The following RTTN variants were observed in gnomAD, a reference collection of about 807,000 sequenced individuals.
The protein encoded by RTTN is rotatin.
A neutral mutation model predicts 269.2 loss-of-function variants in RTTN; 182 were observed. The ratio of observed to expected loss-of-function variants is 0.68; its 90% CI spans 0.60 to 0.76. The LOEUF (loss-of-function observed/expected upper bound fraction) is 0.76, where lower values mean the gene tolerates loss of function less well. Among genes scored for constraint, RTTN ranks in the 30% least tolerant of loss-of-function variants. The pLI is 0.00. For synonymous variants in RTTN, 1,006 were observed against 963.5 expected (o/e 1.04, Z -0.82); for missense variants, 2,545 against 2,608.6 (o/e 0.98, Z 0.53).
intron 7 of RTTN, among the ~76,000 whole-genome samples, 200 bp downstream of exon 7, chr18:70,196,301 A>G (rs1439044405): frequency 6.6e-6 from 1 of 152,116 alleles, no homozygotes; most frequent in Admixed American, 6.5e-5. Context: ...ATCCAGAAAA[A>G]AAAAAAAAGG....
chr18:70,035,628 C>G (rs1201099923), intron 40 of RTTN, among the ~76,000 whole-genome samples: 1 of 152,100 alleles, frequency 6.6e-6, no homozygotes, highest in Non-Finnish European at 1.5e-5. Context: ...CTAGGCAATA[C>G]CATTCTGGAC....
intron 31 of RTTN, among the ~76,000 whole-genome samples, chr18:70,087,651 C>T (rs1205238893): frequency 6.6e-6 from 1 of 152,036 alleles, no homozygotes; most frequent in African/African-American, 2.4e-5. Flanking sequence ...TTTTGACAGC[C>T]TCTTATCTAT....
intron 39 of RTTN, among the ~76,000 whole-genome samples, chr18:70,051,204 A>C (rs2057656633): frequency 6.6e-6 from 1 of 152,240 alleles, no homozygotes; most frequent in Non-Finnish European, 1.5e-5. Context: ...CTTTTATGTT[A>C]TCTCAAAATG....
At position 70,054,158 on chromosome 18, in the gene RTTN, G is replaced by T; in HGVS notation, c.5158C>A (p.Leu1720Ile). ...AATACATCTTTGGTACATATGGTGAGAATTCCAATGATATTGGTGATAAGA... is the reference window on the plus strand; with the variant it reads ...AATACATCTTTGGTACATATGGTGATAATTCCAATGATATTGGTGATAAGA... ...KPLITNIIGI[L>I]TICTKDVLDK... Residue 1720 changes from leucine (L) to isoleucine (I), a missense_variant, in exon 38 of 49, where the codon CTC becomes ATC. By Grantham distance (5) the Leu-to-Ile change is conservative. Coordinates refer to ENST00000640769, the MANE Select transcript of RTTN (RefSeq NM_173630.4). 1.2e-6 allele frequency: 2 copies of T among 1,613,280 alleles called. No homozygotes were observed. Among genetic ancestry groups the T allele is most frequent in the African/African-American group, 1.3e-5 (1 of 75,002 alleles).
intron 28 of RTTN, among the ~76,000 whole-genome samples, chr18:70,094,587 T>C (rs553948431): frequency 6.6e-6 from 1 of 152,274 alleles, no homozygotes; most frequent in Admixed American, 6.5e-5. Context: ...CATGTAGTTG[T>C]GCGGTTTGTA....
intron 8 of RTTN, 112 bp from the exon 9 acceptor site, chr18:70,190,831 G>A (rs1424374834): frequency 6.2e-6 from 4 of 646,106 alleles, no homozygotes; most frequent in Middle Eastern, 3.7e-4. Flanking sequence ...CAACTCTACT[G>A]CTTCATTCAA....
At chr18:70,042,199 G>A (rs1250256892) in intron 40 of RTTN, among the ~76,000 whole-genome samples, 1 of 151,670 alleles carries the variant, frequency 6.6e-6, no homozygotes, top group Non-Finnish European at 1.5e-5. Flanking sequence ...AATTTAGAAA[G>A]CATGAGTTTA....
chr18:70,044,054 T>C (rs2057421200), intron 40 of RTTN, among the ~76,000 whole-genome samples: 1 of 152,254 alleles, frequency 6.6e-6, no homozygotes. Flanking sequence ...ATGCTCTTTC[T>C]AGATTAATCC....
chr18:70,167,811 GA>G (rs1465838238), intron 12 of RTTN, among the ~76,000 whole-genome samples: 4 of 151,148 alleles, frequency 2.6e-5, no homozygotes, highest in Non-Finnish European at 1.5e-5. Flanking sequence ...AAGGAAAGGG[GA>G]AAAAAAACAA....
intron 14 of RTTN, among the ~76,000 whole-genome samples, chr18:70,154,901 A>G (rs1379137140): frequency 6.6e-6 from 1 of 152,204 alleles, no homozygotes; most frequent in Admixed American, 6.5e-5. Flanking sequence ...CATGCAGCCC[A>G]AAAATGCTAC....
At chr18:70,148,834 T>C (rs1177575174) in intron 17 of RTTN, 67 bp downstream of exon 17, 6 of 1,571,112 alleles carry the variant, frequency 3.8e-6, no homozygotes, top group East Asian at 4.5e-5. Context: ...AAATTATATA[T>C]AGTTACTATA....
chr18:70,048,735 A>G (rs2057565443), intron 39 of RTTN, among the ~76,000 whole-genome samples: 1 of 152,156 alleles, frequency 6.6e-6, no homozygotes, highest in Non-Finnish European at 1.5e-5. Flanking sequence ...CATGAGAATT[A>G]TGTTCATTTA....
At chr18:70,195,628 G>A (rs138530644) in intron 7 of RTTN, among the ~76,000 whole-genome samples, 2 of 152,272 alleles carry the variant, frequency 1.3e-5, no homozygotes, top group East Asian at 1.9e-4. Flanking sequence ...GATCTTATTC[G>A]TTTGTTCAGT....
Position 70,204,075 on chromosome 18 carries a change from C to T in RTTN, c.397+11G>A, listed in dbSNP as rs925199123. 3.8e-6 allele frequency: 6 copies of T among 1,572,176 alleles called. No individual in the cohort carries two copies. The African/African-American group carries it at 8.2e-5, about 21-fold the overall frequency. ...TAATATATTTGTATTTAACAGATTC[C>T]AAAGAGTTACCAGTTTGATTGGTTT... On this transcript the variant is annotated intron_variant, in intron 3 of 48. Coordinates refer to ENST00000640769, the MANE Select transcript of RTTN (RefSeq NM_173630.4).
chr18:70,076,511 C>T (rs1161890259), intron 32 of RTTN, among the ~76,000 whole-genome samples: 1 of 151,986 alleles, frequency 6.6e-6, no homozygotes, highest in East Asian at 1.9e-4. Context: ...AAGTTAAAGG[C>T]ACGATTACAC....
intron 28 of RTTN, among the ~76,000 whole-genome samples, chr18:70,102,028 T>C (rs906257645): frequency 2.6e-5 from 4 of 152,182 alleles, no homozygotes; most frequent in African/African-American, 9.6e-5. Flanking sequence ...AAGTGTGATG[T>C]GGTGCTGAGA....
chr18:70,159,696 A>G (rs6566462), intron 14 of RTTN, among the ~76,000 whole-genome samples: 123,537 of 151,910 alleles, frequency 0.81, 53,418 homozygotes, highest in East Asian at 1. Context: ...AGATTAATAA[A>G]GAAAAAAAGA....
rs2061583009 is a variant in RTTN, at chr18:70,187,900, G to C, written c.1305+208C>G. Among the ~76,000 whole-genome samples, 3 of 152,106 alleles carry C rather than the reference G, an allele frequency of 2.0e-5. 1 individual carries two copies. The South Asian group carries it at 6.2e-4, about 32-fold the overall frequency. On this transcript the variant is annotated intron_variant, in intron 10 of 48. Transcript: ENST00000640769. ...TAACCACCTCTAATGGCCTGGTTTT[G>C]GTCTTAATATACGTTCCACTATTAG...
intron 39 of RTTN, among the ~76,000 whole-genome samples, chr18:70,048,652 A>T (rs1269975806): frequency 1.3e-5 from 2 of 152,182 alleles, no homozygotes; most frequent in Non-Finnish European, 2.9e-5. Context: ...TAACCATAAA[A>T]ATTTTTACTT....
Sources: gnomAD v4.1 joint callset for allele counts (sites outside exome capture counted in the v4.1 genomes callset) on GRCh38, gnomAD v4.1.1 for gene constraint, MANE v1.5 for transcripts, NCBI Gene and HGNC (gene_info 2026-07-23, HGNC 2026-07-21) for gene names.